The following CCDC102A variants were observed in gnomAD, a reference collection of about 807,000 sequenced individuals.
CCDC102A encodes coiled-coil domain-containing protein 102A.
Under a neutral mutation model 55.5 loss-of-function variants are expected in CCDC102A, and 40 were observed. That is an observed-to-expected ratio of 0.72 (90% CI 0.56 to 0.94). CCDC102A has a LOEUF of 0.94. CCDC102A is among the 40% of genes least tolerant of loss of function. CCDC102A has a pLI of 0.00. For synonymous variants in CCDC102A, 323 were observed against 339.0 expected (o/e 0.95, Z 0.52); for missense variants, 779 against 768.6 (o/e 1.01, Z -0.16).
At chr16:57,530,725 C>T (rs576796962) in intron 1 of CCDC102A, among the ~76,000 whole-genome samples, 4 of 152,232 alleles carry the variant, frequency 2.6e-5, no homozygotes, top group African/African-American at 7.2e-5. Context: ...TAGCCAGTGA[C>T]GTCCTTTCCA....
At chr16:57,531,823 C>G (rs146648642) in intron 1 of CCDC102A, among the ~76,000 whole-genome samples, 9 of 152,334 alleles carry the variant, frequency 5.9e-5, no homozygotes, top group African/African-American at 2.2e-4. Flanking sequence ...TCCTGGCAAA[C>G]GCCAACCCTG....
rs144118202 is a variant in CCDC102A at position 57,517,035 on chromosome 16, G to T, written c.1249-572C>A. On this transcript the variant is annotated intron_variant, in intron 6 of 8. Transcript: ENST00000258214. ...TCTCTACTGACTGCAACCTGGTCCA[G>T]GTCTCCTCCCTCTCTTGTTGTCCAG... 2.6e-5 allele frequency among the ~76,000 whole-genome samples: 4 copies of T among 152,216 alleles called. No individual in the cohort carries two copies. The East Asian group carries it at 7.7e-4, about 29-fold the overall frequency.
chr16:57,530,171 C>G (rs1567606364), intron 1 of CCDC102A, among the ~76,000 whole-genome samples: 1 of 152,088 alleles, frequency 6.6e-6, no homozygotes, highest in Non-Finnish European at 1.5e-5. Flanking sequence ...CCTTCTCTGC[C>G]GGAACCACCC....
Position 57,518,751 on chromosome 16 carries a change from T to C in CCDC102A, c.922-10A>G. ...CCTTCAGGATGCTGAGCTGCAGGGA[T>C]AAGGCCCCACCTGGTCATGAGAACC... On this transcript the variant is annotated splice_polypyrimidine_tract_variant and intron_variant, in intron 4 of 8. Transcript: ENST00000258214. The C allele has an allele frequency of 6.3e-7, 1 of 1,589,758 alleles. No homozygotes were observed. The highest frequency in any genetic ancestry group is 8.6e-7 in the Non-Finnish European group (1 of 1,166,204).
chr16:57,518,343 C>CG, intron 5 of CCDC102A, 66 bp from the exon 6 acceptor site: 1 of 1,458,984 alleles, frequency 6.9e-7, no homozygotes, highest in South Asian at 1.2e-5. Context: ...GAGCTGGATG[C>CG]CCCCGCCACC....
chr16:57,522,611 C>T (rs1049669082), intron 3 of CCDC102A, among the ~76,000 whole-genome samples: 42 of 152,206 alleles, frequency 2.8e-4, no homozygotes, highest in African/African-American at 8.9e-4. Flanking sequence ...GAAAGCGCAT[C>T]GCAGTGACAC....
chr16:57,524,017 C>T (rs1314995106), intron 3 of CCDC102A, among the ~76,000 whole-genome samples: 3 of 152,218 alleles, frequency 2.0e-5, no homozygotes, highest in African/African-American at 7.2e-5. Flanking sequence ...GTGCCTTATT[C>T]AAGATCAAGG....
chr16:57,518,557 C>T (rs2146701183), intron 5 of CCDC102A, 68 bp downstream of exon 5: 1 of 1,254,576 alleles, frequency 8.0e-7, no homozygotes, highest in African/African-American at 1.5e-5. Context: ...TTCCCAGTGA[C>T]CTGCTGATGG....
chr16:57,529,136 C>T lies in CCDC102A; in HGVS notation c.42G>A (p.Gln14=). 5 of 1,185,522 alleles carry T rather than the reference C, an allele frequency of 4.2e-6. No individual in the cohort carries two copies. Among genetic ancestry groups the T allele is most frequent in the Non-Finnish European group, 3.1e-6 (3 of 957,768 alleles). 73.4% of individuals were successfully genotyped at this position (1,185,522 alleles called of 1,614,324 possible). ...TGGTCAGGAGGCTGCCCTTGGACAG[C>T]TGCGGGGACTCGGCCAGCCGGGGGC... ...GPSPRLAESP[Q]LSKGSLLTIL... Residue 14 remains glutamine, a synonymous_variant, in exon 2 of 9, where the codon CAG becomes CAA. Transcript: ENST00000258214. This position sits in a 1 kb window ranked among gnomAD's most constrained non-coding sequence, Gnocchi z 4.1.
intron 4 of CCDC102A, among the ~76,000 whole-genome samples, chr16:57,519,304 C>T (rs574917253): frequency 6.6e-6 from 1 of 152,206 alleles, no homozygotes; most frequent in Non-Finnish European, 1.5e-5. Flanking sequence ...ACCTAAAGGC[C>T]CCCTCCTTAG....
intron 7 of CCDC102A, among the ~76,000 whole-genome samples, chr16:57,515,967 G>A (rs2031947444): frequency 6.6e-6 from 1 of 151,892 alleles, no homozygotes; most frequent in African/African-American, 2.4e-5. Flanking sequence ...GCCATCATCT[G>A]TTCATACATC....
Position 57,529,051 on chromosome 16 carries a change from G to A in CCDC102A, c.127C>T (p.Pro43Ser). 6.2e-6 allele frequency: 7 copies of A among 1,130,812 alleles called. No individual in the cohort carries two copies. Among genetic ancestry groups the A allele is most frequent in the South Asian group, 4.3e-5 (1 of 23,472 alleles). 70.0% of individuals were successfully genotyped at this position (1,130,812 alleles called of 1,614,324 possible). A position where few individuals can be genotyped will look rare whatever the true frequency, so the allele number is the denominator to read the frequency against. ...GPADSLPPTP[P>S]SGTPSPGPPP... is the part of the protein sequence containing the mutation. The stretch of plus-strand genomic sequence containing the variant: ...GGCCCGGGCGAGGGCGTGCCGCTGG[G>A]CGGCGTGGGCGGCAAGGAGTCGGCA... Residue 43 changes from proline to serine, a missense_variant, in exon 2 of 9, where the codon CCC becomes TCC. Coordinates refer to ENST00000258214, the MANE Select transcript of CCDC102A (RefSeq NM_033212.4). This position sits in a 1 kb window ranked among gnomAD's most constrained non-coding sequence, Gnocchi z 4.1.
chr16:57,536,251 C>T (rs1439768673), intron 1 of CCDC102A, among the ~76,000 whole-genome samples: 2 of 152,014 alleles, frequency 1.3e-5, no homozygotes, highest in African/African-American at 2.4e-5. Flanking sequence ...CCGGAGGCGC[C>T]TCCCCTCCCC....
chr16:57,536,027 G>T (rs1167472739), intron 1 of CCDC102A, among the ~76,000 whole-genome samples: 2 of 152,190 alleles, frequency 1.3e-5, no homozygotes, highest in African/African-American at 2.4e-5. Flanking sequence ...GAGGGTGGAG[G>T]GGGTTCCCGG....
At chr16:57,520,191 C>T (rs1186085015) in intron 4 of CCDC102A, among the ~76,000 whole-genome samples, 3 of 152,322 alleles carry the variant, frequency 2.0e-5, no homozygotes, top group East Asian at 1.9e-4. Context: ...CCTGCGGCCT[C>T]GCCTCTCACT....
Position 57,516,356 on chromosome 16 carries a change from C to T in CCDC102A, c.1356G>A (p.Glu452=), listed in dbSNP as rs2031955716. Residue 452 remains glutamate (E), a synonymous_variant, in exon 7 of 9, where the codon GAG becomes GAA. Coordinates refer to ENST00000258214, the MANE Select transcript of CCDC102A (RefSeq NM_033212.4). This position sits in a 1 kb window ranked among gnomAD's most constrained non-coding sequence, Gnocchi z 4.4. ...CCACCCGCAGCCGCAGCTTCTTCACCTCAGCCTCGTGCTGCTCCACCCGCC... is the reference window on the plus strand; with the variant it reads ...CCACCCGCAGCCGCAGCTTCTTCACTTCAGCCTCGTGCTGCTCCACCCGCC... ...ANRRVEQHEA[E]VKKLRLRVEE... 1 of 1,608,954 alleles carries T rather than the reference C, an allele frequency of 6.2e-7. No homozygotes were observed. Among genetic ancestry groups the T allele is most frequent in the African/African-American group, 1.3e-5 (1 of 75,080 alleles).
intron 4 of CCDC102A, 36 bp downstream of exon 4, chr16:57,521,032 C>A (rs371525186): frequency 7.2e-7 from 1 of 1,390,912 alleles, no homozygotes. Flanking sequence ...GCGATCCTGC[C>A]GCCTCCAGGA....
intron 1 of CCDC102A, among the ~76,000 whole-genome samples, chr16:57,533,561 C>T (rs115249567): frequency 0.016 from 2,377 of 151,518 alleles, 20 homozygotes; most frequent in Middle Eastern, 0.051. Flanking sequence ...CAGGGACCTG[C>T]ACTCACACAC....
Position 57,518,678 on chromosome 16 carries a change from C to T in CCDC102A, c.985G>A (p.Glu329Lys). 1 of 1,613,810 alleles carries T rather than the reference C, an allele frequency of 6.2e-7. No homozygotes were observed. The highest frequency in any genetic ancestry group is 2.2e-5 in the East Asian group (1 of 44,868). ...TCCATGCTGGAGCGTGCACCGAGCT[C>T]ATCTTCCAGGTCCTCAGACATGCGG... ...LGRMSEDLED[E>K]LGARSSMDRK... Residue 329 changes from glutamate (E) to lysine (K), a missense_variant, in exon 5 of 9, where the codon GAG becomes AAG. Transcript: ENST00000258214.
Sources: allele counts gnomAD v4.1 joint callset (sites outside exome capture counted in the v4.1 genomes callset), GRCh38; gene constraint gnomAD v4.1.1; non-coding constraint Gnocchi (gnomAD v3.1); transcripts MANE v1.5; gene names NCBI Gene and HGNC (gene_info 2026-07-23, HGNC 2026-07-21).